Variants in NETO2 observed in about 807,000 individuals in gnomAD.
NETO2 encodes the protein neuropilin and tolloid like 2.
In NETO2, 28 loss-of-function variants were observed where a neutral mutation model predicts 62.5. That is an observed-to-expected ratio of 0.45 (90% CI 0.33 to 0.61). The LOEUF is 0.61. NETO2 is among the 20% of genes least tolerant of loss of function. The pLI is 0.02. For missense variants in NETO2, 548 were observed against 643.2 expected (o/e 0.85, Z 1.60); for synonymous variants, 214 against 219.1 (o/e 0.98, Z 0.21).
In NETO2 at chr16:47,082,306, A is replaced by G. The variant is rs1253297318; in HGVS notation, c.*915T>C. 6.6e-6 allele frequency: 1 copy of G among 152,398 alleles called. No individual in the cohort carries two copies. The highest frequency in any genetic ancestry group is 6.5e-5 in the Admixed American group (1 of 15,278). 9.4% of individuals were successfully genotyped at this position (152,398 alleles called of 1,614,324 possible). ...AAACCAACAGAATGGGAGCTATGTA[A>G]CAATCTAGCGAAGAGAAACATTGCA... On this transcript the variant is annotated 3_prime_UTR_variant, in exon 9 of 9. Coordinates refer to ENST00000562435, the MANE Select transcript of NETO2 (RefSeq NM_018092.5).
Position 47,083,070 on chromosome 16 carries a change from G to A in NETO2, c.*151C>T, listed in dbSNP as rs905729901. 9.1e-6 allele frequency: 6 copies of A among 662,752 alleles called. No individual in the cohort carries two copies. Among genetic ancestry groups the A allele is most frequent in the Admixed American group, 8.9e-5 (3 of 33,670 alleles). 41.1% of individuals were successfully genotyped at this position (662,752 alleles called of 1,614,324 possible). On this transcript the variant is annotated 3_prime_UTR_variant, in exon 9 of 9. Coordinates refer to ENST00000562435, the MANE Select transcript of NETO2 (RefSeq NM_018092.5). ...TTTAACATATATAGACTGCCTGAGA[G>A]AATAAAAACATCACCATACAATAGG...
At chr16:47,090,590 T>C (rs1345741333) in intron 7 of NETO2, among the ~76,000 whole-genome samples, 3 of 152,158 alleles carry the variant, frequency 2.0e-5, no homozygotes, top group Non-Finnish European at 4.4e-5. Context: ...TGGAATTTTG[T>C]GTCCCCCCCA....
chr16:47,127,650 C>T (rs977659786), intron 4 of NETO2, among the ~76,000 whole-genome samples: 1 of 152,138 alleles, frequency 6.6e-6, no homozygotes, highest in African/African-American at 2.4e-5. Flanking sequence ...GGGAGTGAGG[C>T]CCTGCTCAAT....
At chr16:47,121,998 A>G (rs753484210) in intron 6 of NETO2, among the ~76,000 whole-genome samples, 3 of 152,092 alleles carry the variant, frequency 2.0e-5, no homozygotes, top group Non-Finnish European at 2.9e-5. Context: ...TCTGATTTTC[A>G]TGATTCTTGA....
intron 7 of NETO2, among the ~76,000 whole-genome samples, chr16:47,105,103 G>A (rs957340751): frequency 6.6e-6 from 1 of 151,556 alleles, no homozygotes; most frequent in South Asian, 2.1e-4. Context: ...TTGAACTCCT[G>A]CCTAGGCTGG....
intron 4 of NETO2, among the ~76,000 whole-genome samples, chr16:47,127,176 A>C (rs143132921): frequency 5.1e-4 from 77 of 152,360 alleles, no homozygotes; most frequent in Middle Eastern, 3.4e-3. Context: ...AAGATCATGC[A>C]GTTGTCTTAC....
At chr16:47,106,094 C>T (rs1963666643) in intron 7 of NETO2, among the ~76,000 whole-genome samples, 2 of 152,042 alleles carry the variant, frequency 1.3e-5, no homozygotes, top group Admixed American at 6.5e-5. Flanking sequence ...GAATACAATT[C>T]TGATACATAT....
intron 6 of NETO2, among the ~76,000 whole-genome samples, chr16:47,114,931 C>T (rs1202430065): frequency 6.6e-6 from 1 of 152,106 alleles, no homozygotes; most frequent in African/African-American, 2.4e-5. Flanking sequence ...CACCTACACT[C>T]AACAGGTGAG....
intron 7 of NETO2, among the ~76,000 whole-genome samples, chr16:47,098,284 A>C (rs913469185): frequency 6.6e-6 from 1 of 152,186 alleles, no homozygotes; most frequent in African/African-American, 2.4e-5. Flanking sequence ...CCTTGAAAAA[A>C]GGTTAGAGGA....
intron 1 of NETO2, among the ~76,000 whole-genome samples, chr16:47,138,933 T>C (rs1162058530): frequency 6.6e-6 from 1 of 152,248 alleles, no homozygotes; most frequent in Non-Finnish European, 1.5e-5. Context: ...CAGCTGTGCC[T>C]TCGGCCTAGA....
At position 47,089,658 on chromosome 16, in the gene NETO2, G is replaced by A. The variant is rs894417893; in HGVS notation, c.884-3319C>T. On this transcript the variant is annotated intron_variant, in intron 7 of 8. Coordinates refer to ENST00000562435, the MANE Select transcript of NETO2 (RefSeq NM_018092.5). ...CTCATCGGAAAGACAACAGGTATCA[G>A]TTACACAAACATGCCATCATATTGA... Among the ~76,000 whole-genome samples the A allele has an allele frequency of 5.3e-5, 8 of 152,296 alleles. No homozygotes were observed. In the South Asian group the frequency reaches 1.7e-3, roughly 32 times the overall value.
intron 6 of NETO2, among the ~76,000 whole-genome samples, chr16:47,119,797 CAT>C (rs1235338140): frequency 2.0e-5 from 3 of 152,096 alleles, no homozygotes; most frequent in Non-Finnish European, 4.4e-5. Flanking sequence ...TATTTCCAAA[CAT>C]ATGGAGTTTT....
At chr16:47,125,246 A>T (rs1274788091) in intron 4 of NETO2, among the ~76,000 whole-genome samples, 1 of 152,220 alleles carries the variant, frequency 6.6e-6, no homozygotes, top group Non-Finnish European at 1.5e-5. Flanking sequence ...ATTTTGATAT[A>T]AACTATTGGT....
chr16:47,109,575 A>G lies in NETO2; in HGVS notation c.791T>C (p.Met264Thr). Residue 264 changes from methionine to threonine, a missense_variant, in exon 7 of 9, where the codon ATG (methionine) becomes ACG (threonine). Met to Thr is a moderately conservative substitution (Grantham distance 81). Transcript: ENST00000562435. ...AATCACTCCAATTCCTGTTTTAAGC[A>G]TTACATCATTGGCCACAGTGCTGCA... ...KFCSTVANDV[M>T]LKTGIGVIRM... 6.2e-7 allele frequency: 1 copy of G among 1,614,132 alleles called. No individual in the cohort carries two copies. The highest frequency in any genetic ancestry group is 8.5e-7 in the Non-Finnish European group (1 of 1,180,000).
At chr16:47,086,409 C>G (rs1963191167) in intron 7 of NETO2, 70 bp from the exon 8 acceptor site, 1 of 1,003,380 alleles carries the variant, frequency 1.0e-6, no homozygotes, top group African/African-American at 1.6e-5. Flanking sequence ...CATAACAAAT[C>G]TGACTTTATA....
chr16:47,125,368 CAG>C (rs976230792), intron 4 of NETO2, among the ~76,000 whole-genome samples: 7 of 149,042 alleles, frequency 4.7e-5, no homozygotes, highest in Admixed American at 6.7e-5. Flanking sequence ...TTTTTTCTGA[CAG>C]ATTCTTGCTC....
At chr16:47,119,752 C>T (rs534498785) in intron 6 of NETO2, among the ~76,000 whole-genome samples, 20 of 152,062 alleles carry the variant, frequency 1.3e-4, no homozygotes, top group Admixed American at 2.6e-4. Context: ...CTGATTTCTT[C>T]TGTGACTTAC....
At chr16:47,092,291 G>T (rs1203830670) in intron 7 of NETO2, among the ~76,000 whole-genome samples, 1 of 152,162 alleles carries the variant, frequency 6.6e-6, no homozygotes, top group Non-Finnish European at 1.5e-5. Flanking sequence ...CTCCATCCCA[G>T]CTGTGAGTGC....
intron 6 of NETO2, among the ~76,000 whole-genome samples, chr16:47,116,807 G>T (rs1596730170): frequency 6.6e-6 from 1 of 152,112 alleles, no homozygotes; most frequent in Admixed American, 6.5e-5. Flanking sequence ...GGATGATTTG[G>T]GTTGTGTATG....
Sources: gnomAD v4.1 joint callset for allele counts (sites outside exome capture counted in the v4.1 genomes callset) on GRCh38, gnomAD v4.1.1 for gene constraint, MANE v1.5 for transcripts, NCBI Gene and HGNC (gene_info 2026-07-23, HGNC 2026-07-21) for gene names.